Variants in SLC36A1 observed in about 807,000 individuals in gnomAD.
The protein encoded by SLC36A1 is proton-coupled amino acid transporter 1.
SLC36A1 carries 30 observed loss-of-function variants against 47.5 expected under a neutral mutation model. The observed-to-expected ratio is 0.63, with a 90% confidence interval of 0.47 to 0.86. The LOEUF (loss-of-function observed/expected upper bound fraction) is 0.86. Among genes scored for constraint, SLC36A1 ranks in the 40% least tolerant of loss-of-function variants. The pLI, the probability that SLC36A1 is intolerant of heterozygous loss-of-function variation, is 0.00. For synonymous variants in SLC36A1, 255 were observed against 249.7 expected, an observed-to-expected ratio of 1.02 and a Z score of -0.20; for missense variants, 517 against 606.0, an observed-to-expected ratio of 0.85 and a Z score of 1.54.
the SLC36A1 span, chr5:151,529,274 G>A: frequency 4.2e-4 from 682 of 1,614,118 alleles, 7 homozygotes; most frequent in African/African-American, 8.0e-3. Flanking sequence ...CATCAGTGAT[G>A]TTGACCATGA....
At chr5:151,456,109 G>C (rs1335588012) in intron 1 of SLC36A1, among the ~76,000 whole-genome samples, 1 of 152,176 alleles carries the variant, frequency 6.6e-6, no homozygotes, top group African/African-American at 2.4e-5. Context: ...TTTCTCACAA[G>C]ATTCACTTGG....
At chr5:151,480,745 G>A (rs1349347053) in intron 10 of SLC36A1, among the ~76,000 whole-genome samples, 4 of 152,162 alleles carry the variant, frequency 2.6e-5, no homozygotes, top group Non-Finnish European at 5.9e-5. Flanking sequence ...TGTTTCCACC[G>A]TGGATGGAGT....
the SLC36A1 span, chr5:151,540,874 A>T: frequency 9.9e-7 from 1 of 1,006,290 alleles, no homozygotes; most frequent in South Asian, 1.7e-5. Context: ...GGGAAAGCAA[A>T]CATTTCCTTC....
At chr5:151,507,713 A>C in the SLC36A1 span, 4 of 1,077,806 alleles carry the variant, frequency 3.7e-6, no homozygotes, top group Non-Finnish European at 5.2e-6. Context: ...CCCAAAACCT[A>C]CCATCTCCCG....
intron 2 of SLC36A1, among the ~76,000 whole-genome samples, chr5:151,461,999 A>T (rs1407802338): frequency 3.3e-5 from 5 of 152,036 alleles, no homozygotes; most frequent in Non-Finnish European, 7.4e-5. Flanking sequence ...AACAACTAAC[A>T]AACTGTAGGT....
the SLC36A1 span, among the ~76,000 whole-genome samples, chr5:151,408,746 G>T: frequency 1.3e-5 from 2 of 152,266 alleles, no homozygotes; most frequent in South Asian, 4.1e-4. Flanking sequence ...GGAGTCTGAC[G>T]AGGACTGACA....
chr5:151,529,322 G>A, the SLC36A1 span: 2 of 1,613,886 alleles, frequency 1.2e-6, no homozygotes, highest in East Asian at 2.2e-5. Context: ...AGCTCTTCCG[G>A]CTGCACTCAA....
chr5:151,457,157 C>G (rs1206965400), intron 1 of SLC36A1, among the ~76,000 whole-genome samples: 1 of 152,132 alleles, frequency 6.6e-6, no homozygotes, highest in Non-Finnish European at 1.5e-5. Flanking sequence ...CTGTAATACT[C>G]TCTCATAGCA....
rs1759798483 is a variant in SLC36A1 at position 151,488,061 on chromosome 5, T to C, written c.1238T>C (p.Leu413Pro). 1.2e-6 allele frequency: 2 copies of C among 1,613,966 alleles called. No individual in the cohort carries two copies. The highest frequency in any genetic ancestry group is 1.7e-6 in the Non-Finnish European group (2 of 1,180,012). ...TCCGTGAGCAGCAGCGCCCTGGCCCTCATCATCCCACCGCTCCTGGAGGTC... is the reference window on the plus strand; with the variant it reads ...TCCGTGAGCAGCAGCGCCCTGGCCCCCATCATCCCACCGCTCCTGGAGGTC... ...VGSVSSSALA[L>P]IIPPLLEVTT... The change falls in exon 11 of 11, where the codon CTC (leucine) becomes CCC (proline). Residue 413 changes from leucine (L) to proline (P), a missense_variant. Coordinates refer to ENST00000243389, the MANE Select transcript of SLC36A1 (RefSeq NM_078483.4).
chr5:151,550,009 A>G, the SLC36A1 span, among the ~76,000 whole-genome samples: 1 of 152,180 alleles, frequency 6.6e-6, no homozygotes, highest in Non-Finnish European at 1.5e-5. Context: ...TGGTTCCATC[A>G]TAAATAACTG....
the SLC36A1 span, chr5:151,517,856 A>G: frequency 1.4e-6 from 2 of 1,471,110 alleles, no homozygotes; most frequent in Admixed American, 1.9e-5. Flanking sequence ...CTTGGGTGGC[A>G]GACAGAATCA....
chr5:151,355,809 T>C, the SLC36A1 span, among the ~76,000 whole-genome samples: 5 of 152,266 alleles, frequency 3.3e-5, no homozygotes, highest in East Asian at 9.6e-4. Context: ...CGCATACATC[T>C]CCAACTGCAA....
chr5:151,384,274 A>G, the SLC36A1 span, among the ~76,000 whole-genome samples: 1 of 152,170 alleles, frequency 6.6e-6, no homozygotes, highest in Non-Finnish European at 1.5e-5. Flanking sequence ...AAGCACTTTC[A>G]GTTTCCTTAT....
chr5:151,442,640 C>T (rs1332112862), upstream of SLC36A1, among the ~76,000 whole-genome samples: 2 of 152,148 alleles, frequency 1.3e-5, no homozygotes, highest in Admixed American at 6.5e-5. Context: ...CTATCCTTTC[C>T]TTCCACCCTG....
At chr5:151,512,507 TGG>T in the SLC36A1 span, 26 of 1,614,128 alleles carry the variant, frequency 1.6e-5, no homozygotes, top group Non-Finnish European at 2.1e-5. The surrounding 1 kb of genome is among the most constrained non-coding windows in gnomAD (Gnocchi z 4.1). Context: ...TCCACCAGGA[TGG>T]AGTGCCACTC....
At chr5:151,426,170 C>G in the SLC36A1 span, among the ~76,000 whole-genome samples, 2 of 152,176 alleles carry the variant, frequency 1.3e-5, no homozygotes, top group Non-Finnish European at 2.9e-5. Flanking sequence ...GGGGCCAGCC[C>G]CTCCACACCT....
At chr5:151,395,775 A>T in the SLC36A1 span, among the ~76,000 whole-genome samples, 493 of 152,210 alleles carry the variant, frequency 3.2e-3, 2 homozygotes, top group African/African-American at 0.011. Context: ...CATAGGAAAC[A>T]CTCAGTGAAT....
chr5:151,527,971 G>T, the SLC36A1 span: 1 of 1,612,454 alleles, frequency 6.2e-7, no homozygotes, highest in South Asian at 1.1e-5. Flanking sequence ...ATGAGCTCAG[G>T]GTGCGCCCCT....
At chr5:151,344,721 T>G in the SLC36A1 span, among the ~76,000 whole-genome samples, 158 of 152,098 alleles carry the variant, frequency 1.0e-3, no homozygotes, top group Admixed American at 1.6e-3. Context: ...CTCCCAGAGA[T>G]AAACTCAGAC....
Sources: allele counts gnomAD v4.1 joint callset (sites outside exome capture counted in the v4.1 genomes callset), GRCh38; gene constraint gnomAD v4.1.1; non-coding constraint Gnocchi (gnomAD v3.1); transcripts MANE v1.5; gene names NCBI Gene and HGNC (gene_info 2026-07-23, HGNC 2026-07-21).